PTPRO: variants seen among roughly 807,000 people sequenced by gnomAD.
The protein encoded by PTPRO is receptor-type tyrosine-protein phosphatase O.
A neutral mutation model predicts 145.2 loss-of-function variants in PTPRO; 62 were observed. The observed-to-expected ratio is 0.43, with a 90% CI of 0.35 to 0.53. The LOEUF (loss-of-function observed/expected upper bound fraction) is 0.53, where lower values mean the gene tolerates loss of function less well. Ranked by LOEUF, PTPRO falls within the 20% of genes least tolerant of loss-of-function variation. The pLI, the probability that PTPRO is intolerant of heterozygous loss-of-function variation, is 0.01. For missense variants in PTPRO, 1,345 were observed against 1,482.7 expected (o/e 0.91, Z 1.53); for synonymous variants, 565 against 514.7 (o/e 1.10, Z -1.32).
chr12:15,557,310 G>A (rs1219584668), intron 15 of PTPRO, 145 bp from the exon 16 acceptor site: 12 of 751,190 alleles, frequency 1.6e-5, no homozygotes, highest in South Asian at 4.5e-5. Context: ...GATTACAGGC[G>A]TGAGCCACCG....
chr12:15,522,858 T>C (rs1942754980), intron 10 of PTPRO, among the ~76,000 whole-genome samples: 1 of 152,350 alleles, frequency 6.6e-6, no homozygotes, highest in African/African-American at 2.4e-5. Flanking sequence ...GAAAGATATA[T>C]ACTTCTGGGT....
chr12:15,480,733 G>T (rs994487284), intron 1 of PTPRO, among the ~76,000 whole-genome samples: 5 of 36,992 alleles, frequency 1.4e-4, no homozygotes, highest in Admixed American at 4.6e-4. Context: ...ATGGATGGAT[G>T]GATGGATGGA....
chr12:15,530,933 A>C (rs1942949781), intron 12 of PTPRO, among the ~76,000 whole-genome samples: 1 of 152,116 alleles, frequency 6.6e-6, no homozygotes, highest in African/African-American at 2.4e-5. Flanking sequence ...CAACACAACA[A>C]AAAGTTGGTT....
chr12:15,323,619 T>C (rs1451657121), intron 1 of PTPRO, among the ~76,000 whole-genome samples: 1 of 152,228 alleles, frequency 6.6e-6, no homozygotes, highest in African/African-American at 2.4e-5. Flanking sequence ...CGATGTGAAG[T>C]TCTGAAGTGA....
intron 12 of PTPRO, among the ~76,000 whole-genome samples, chr12:15,534,991 T>C (rs1445783260): frequency 6.6e-6 from 1 of 152,036 alleles, no homozygotes; most frequent in Non-Finnish European, 1.5e-5. Context: ...CTTTTGGAGG[T>C]TGTGTCCACA....
At chr12:15,492,307 G>C (rs1280954189) in intron 2 of PTPRO, among the ~76,000 whole-genome samples, 5 of 152,088 alleles carry the variant, frequency 3.3e-5, no homozygotes, top group Non-Finnish European at 5.9e-5. Flanking sequence ...TAACAGTTCA[G>C]ATTATATTTT....
intron 3 of PTPRO, 123 bp downstream of exon 3, chr12:15,497,526 C>A: frequency 9.5e-7 from 1 of 1,055,176 alleles, no homozygotes; most frequent in Non-Finnish European, 1.4e-6. Flanking sequence ...ATAAATGAGC[C>A]ATTAAAAATA....
intron 12 of PTPRO, chr12:15,546,276 T>G: frequency 8.8e-7 from 1 of 1,134,976 alleles, no homozygotes; most frequent in African/African-American, 1.6e-5. Context: ...AACTTCAGTA[T>G]AAATGACACA....
rs200400337 is a variant in PTPRO, at chr12:15,516,743, C to A, written c.1586-20C>A. 3.3e-5 allele frequency: 52 copies of A among 1,576,906 alleles called. 2 individuals are homozygous for A. In the South Asian group the frequency reaches 5.6e-4, roughly 17 times the overall value. ...TCCTTCTTAACTTTCTTTTTCTACC[C>A]CCTGCCCTCTTCTTTCTAGTTCCCA... is the stretch of plus-strand genomic sequence containing the variant. On this transcript the variant is annotated intron_variant, in intron 8 of 26. Coordinates refer to ENST00000281171, the MANE Select transcript of PTPRO (RefSeq NM_030667.3).
chr12:15,524,157 TAAAA>T (rs34287474), intron 10 of PTPRO, among the ~76,000 whole-genome samples: 1 of 129,130 alleles, frequency 7.7e-6, no homozygotes. Context: ...GCTTCGTGGC[TAAAA>T]AAAAAAAAAA....
intron 1 of PTPRO, among the ~76,000 whole-genome samples, chr12:15,478,150 G>GCA (rs1269359207): frequency 6.6e-6 from 1 of 152,202 alleles, no homozygotes; most frequent in Non-Finnish European, 1.5e-5. Context: ...AGAGCAGACT[G>GCA]CACATAGGGC....
chr12:15,461,631 A>T (rs928018750), intron 1 of PTPRO, among the ~76,000 whole-genome samples: 6 of 138,062 alleles, frequency 4.3e-5, no homozygotes, highest in Non-Finnish European at 7.5e-5. Context: ...ACAGTGGTGC[A>T]ATCTCGGCTC....
chr12:15,388,630 T>G (rs1939097921), intron 1 of PTPRO, among the ~76,000 whole-genome samples: 2 of 152,228 alleles, frequency 1.3e-5, no homozygotes, highest in African/African-American at 4.8e-5. Context: ...GTGGGTATTT[T>G]TTATTTTAGG....
At chr12:15,591,785 C>G (rs913924815) in intron 25 of PTPRO, among the ~76,000 whole-genome samples, 1 of 151,968 alleles carries the variant, frequency 6.6e-6, no homozygotes, top group Non-Finnish European at 1.5e-5. Context: ...ATCGCTGGAA[C>G]CTGGGAGGCA....
At chr12:15,573,251 C>T (rs1470141155) in intron 19 of PTPRO, among the ~76,000 whole-genome samples, 3 of 152,134 alleles carry the variant, frequency 2.0e-5, no homozygotes, top group African/African-American at 7.2e-5. Context: ...GGCAGAATTC[C>T]TCCCTCCTTG....
chr12:15,541,428 T>G (rs1943178103), intron 12 of PTPRO, among the ~76,000 whole-genome samples: 1 of 152,190 alleles, frequency 6.6e-6, no homozygotes, highest in East Asian at 1.9e-4. Flanking sequence ...TAAGAGACTG[T>G]ATTAGTTTGC....
intron 1 of PTPRO, among the ~76,000 whole-genome samples, chr12:15,380,568 C>G (rs1488571788): frequency 6.6e-6 from 1 of 152,034 alleles, no homozygotes; most frequent in Admixed American, 6.6e-5. Context: ...AAATTAAAAC[C>G]AGGCTACATT....
At chr12:15,424,140 G>A (rs985976862) in intron 1 of PTPRO, among the ~76,000 whole-genome samples, 1 of 152,158 alleles carries the variant, frequency 6.6e-6, no homozygotes, top group African/African-American at 2.4e-5. Context: ...AGAATATGAA[G>A]TGTAGCATAA....
intron 1 of PTPRO, among the ~76,000 whole-genome samples, chr12:15,445,396 T>G (rs557131195): frequency 6.6e-5 from 10 of 152,300 alleles, no homozygotes; most frequent in African/African-American, 2.4e-4. Context: ...CTTTTATAAA[T>G]GGCTGGATAG....
Sources: gnomAD v4.1 joint callset for allele counts (sites outside exome capture counted in the v4.1 genomes callset) on GRCh38, gnomAD v4.1.1 for gene constraint, MANE v1.5 for transcripts, NCBI Gene and HGNC (gene_info 2026-07-23, HGNC 2026-07-21) for gene names.